The following KIDINS220 variants were observed in gnomAD, a reference collection of about 807,000 sequenced individuals.
KIDINS220 encodes kinase D-interacting substrate of 220 kDa.
A neutral mutation model predicts 157.6 loss-of-function variants in KIDINS220; 63 were observed. That is an observed-to-expected ratio of 0.40 (90% CI 0.33 to 0.49). KIDINS220 has a LOEUF of 0.49. KIDINS220 is among the 20% of genes least tolerant of loss of function. The pLI, the probability that KIDINS220 is intolerant of heterozygous loss-of-function variation, is 0.66. For missense variants in KIDINS220, 1,772 were observed against 2,171.2 expected (o/e 0.82, Z 3.65); for synonymous variants, 732 against 783.6 (o/e 0.93, Z 1.10).
chr2:8,809,737 C>T (rs144599303), intron 6 of KIDINS220, among the ~76,000 whole-genome samples: 1 of 151,940 alleles, frequency 6.6e-6, no homozygotes, highest in African/African-American at 2.4e-5. Context: ...TTTCCCTTCT[C>T]TAAAAATCAG....
chr2:8,779,909 G>C, intron 17 of KIDINS220, 95 bp from the exon 18 acceptor site: 1 of 1,310,156 alleles, frequency 7.6e-7, no homozygotes, highest in Non-Finnish European at 1.1e-6. Context: ...CATCTAATAG[G>C]AACAGAAGAC....
intron 7 of KIDINS220, among the ~76,000 whole-genome samples, chr2:8,804,006 T>A (rs1384810283): frequency 2.0e-5 from 3 of 152,226 alleles, no homozygotes; most frequent in African/African-American, 7.2e-5. Context: ...TTCTCCCACA[T>A]ATTAAAATAA....
chr2:8,791,051 G>C lies in KIDINS220; in HGVS notation c.1441+9C>G. On this transcript the variant is annotated intron_variant, in intron 13 of 29. Transcript: ENST00000256707. ...ATATATACAGACTTTGTACAAGCAA[G>C]CCCTTTACCTTCTAGTTTCTTGAGT... 6.2e-7 allele frequency: 1 copy of C among 1,609,676 alleles called. No individual in the cohort carries two copies. The highest frequency in any genetic ancestry group is 8.5e-7 in the Non-Finnish European group (1 of 1,178,066).
chr2:8,815,431 G>A (rs980385150), intron 4 of KIDINS220, among the ~76,000 whole-genome samples: 1 of 151,864 alleles, frequency 6.6e-6, no homozygotes, highest in Non-Finnish European at 1.5e-5. Context: ...AAAAAGGGAG[G>A]CCTAGGCAGG....
At chr2:8,760,895 T>C (rs1668664982) in intron 22 of KIDINS220, among the ~76,000 whole-genome samples, 1 of 152,174 alleles carries the variant, frequency 6.6e-6, no homozygotes, top group South Asian at 2.1e-4. Context: ...GTTACAACCA[T>C]GCAAGTAATC....
intron 7 of KIDINS220, among the ~76,000 whole-genome samples, chr2:8,803,572 T>G (rs1402147045): frequency 6.6e-6 from 1 of 152,088 alleles, no homozygotes; most frequent in African/African-American, 2.4e-5. Flanking sequence ...TAAAAAACAC[T>G]AAAGTAAACA....
intron 11 of KIDINS220, 108 bp downstream of exon 11, chr2:8,796,663 A>G (rs982727870): frequency 1.2e-6 from 1 of 847,546 alleles, no homozygotes; most frequent in Admixed American, 1.8e-5. Context: ...CCAGCAAGTC[A>G]TCTCTCCCCA....
intron 21 of KIDINS220, among the ~76,000 whole-genome samples, chr2:8,771,329 T>C (rs1670201400): frequency 6.6e-6 from 1 of 152,236 alleles, no homozygotes; most frequent in Non-Finnish European, 1.5e-5. Flanking sequence ...GGGTGGTCTA[T>C]GTAAGTAACC....
chr2:8,793,699 C>T, intron 12 of KIDINS220, 111 bp downstream of exon 12: 1 of 998,178 alleles, frequency 1.0e-6, no homozygotes, highest in Non-Finnish European at 1.4e-6. Context: ...TCGGCCTCCT[C>T]AAGTGCTGGG....
chr2:8,749,907 T>G (rs550708366), intron 24 of KIDINS220, among the ~76,000 whole-genome samples: 1 of 152,272 alleles, frequency 6.6e-6, no homozygotes, highest in South Asian at 2.1e-4. Context: ...AAATCTAATA[T>G]TCAGACTCTC....
intron 22 of KIDINS220, among the ~76,000 whole-genome samples, chr2:8,758,617 CTCT>C (rs1668350305): frequency 6.6e-6 from 1 of 151,922 alleles, no homozygotes; most frequent in Middle Eastern, 3.2e-3. Context: ...GTTTAATTTG[CTCT>C]TCTTTTTCTA....
rs2148047253 is a variant in KIDINS220 at position 8,750,172 on chromosome 2, T to C, written c.3354A>G (p.Pro1118=). ...CGCTGTAATAGCTGCTGTGAGGCTG[T>C]GGTGACACCACTCCACCTGCGAAGG... is the stretch of plus-strand genomic sequence containing the variant. ...NGPFAGGVVS[P]QPHSSYYSGM... The change falls in exon 24 of 30, where the codon CCA becomes CCG. Residue 1118 remains proline, a synonymous_variant. Transcript: ENST00000256707. The C allele has an allele frequency of 1.2e-6, 2 of 1,614,162 alleles. No individual in the cohort carries two copies. The highest frequency in any genetic ancestry group is 2.2e-5 in the East Asian group (1 of 44,890).
At chr2:8,757,565 G>C (rs1366297729) in intron 22 of KIDINS220, 26 of 1,514,490 alleles carry the variant, frequency 1.7e-5, no homozygotes, top group Non-Finnish European at 2.0e-5. Context: ...ATGAAGGCCA[G>C]TACCTCTGGT....
chr2:8,820,606 T>C (rs1677802637), intron 2 of KIDINS220, among the ~76,000 whole-genome samples: 1 of 152,198 alleles, frequency 6.6e-6, no homozygotes, highest in African/African-American at 2.4e-5. Context: ...GGATGCTAAA[T>C]TATACGTGGT....
At chr2:8,732,066 C>A (rs1192979785) in intron 29 of KIDINS220, 84 bp from the exon 30 acceptor site, 5 of 1,172,090 alleles carry the variant, frequency 4.3e-6, no homozygotes, top group Middle Eastern at 3.0e-4. Flanking sequence ...TATATATGTA[C>A]ACTAACCATT....
Position 8,803,109 on chromosome 2 carries a change from T to G in KIDINS220, c.622A>C (p.Ile208Leu). ...QEGANSMTAL[I>L]VAVKGGYTQS... ...GTGTAACCTCCTTTCACTGCCACAA[T>G]AAGTGCAGTCATTGAATTCTAAAAA... Residue 208 changes from isoleucine to leucine, a missense_variant, in exon 8 of 30, where the codon ATT (isoleucine) becomes CTT (leucine). By Grantham distance (5) the Ile-to-Leu change is conservative. Coordinates refer to ENST00000256707, the MANE Select transcript of KIDINS220 (RefSeq NM_020738.4). 1 of 1,610,518 alleles carries G rather than the reference T, an allele frequency of 6.2e-7. No homozygotes were observed. The highest frequency in any genetic ancestry group is 2.2e-5 in the East Asian group (1 of 44,860).
intron 15 of KIDINS220, 92 bp from the exon 16 acceptor site, chr2:8,786,449 T>C (rs1672409626): frequency 2.9e-6 from 3 of 1,027,034 alleles, no homozygotes; most frequent in Non-Finnish European, 4.4e-6. Context: ...TACCCTTTAT[T>C]TTCTTTTTGT....
chr2:8,796,128 A>G (rs1673880309), intron 11 of KIDINS220, among the ~76,000 whole-genome samples: 1 of 152,226 alleles, frequency 6.6e-6, no homozygotes, highest in Admixed American at 6.5e-5. Context: ...ATTATTAATT[A>G]GTAAAGCCCA....
chr2:8,803,240 G>A, intron 7 of KIDINS220, 113 bp from the exon 8 acceptor site: 1 of 884,688 alleles, frequency 1.1e-6, no homozygotes, highest in Non-Finnish European at 1.7e-6. Context: ...CAAATAGGTG[G>A]CCTATTATTG....
Sources: allele counts gnomAD v4.1 joint callset (sites outside exome capture counted in the v4.1 genomes callset), GRCh38; gene constraint gnomAD v4.1.1; transcripts MANE v1.5; gene names NCBI Gene and HGNC (gene_info 2026-07-23, HGNC 2026-07-21).